The following CHD2 variants were observed in gnomAD, a reference collection of about 807,000 sequenced individuals.
CHD2 encodes ATP-dependent chromatin remodeler CHD2.
In CHD2, 28 loss-of-function variants were observed where a neutral mutation model predicts 243.9. The ratio of observed to expected loss-of-function variants is 0.11; its 90% CI spans 0.09 to 0.16. The LOEUF (loss-of-function observed/expected upper bound fraction) is 0.16, where lower values mean the gene tolerates loss of function less well. CHD2 is among the 10% of genes least tolerant of loss of function. CHD2 has a pLI of 1.00. For missense variants in CHD2, 1,386 were observed against 2,209.8 expected (o/e 0.63, Z 7.47); for synonymous variants, 775 against 779.0 (o/e 0.99, Z 0.09).
chr15:92,979,383 T>TA (rs1164042164), intron 22 of CHD2, 100 bp downstream of exon 22: 1 of 1,387,624 alleles, frequency 7.2e-7, no homozygotes, highest in East Asian at 2.3e-5. Context: ...GTCTGTTCAT[T>TA]ACCTGGAAGA....
chr15:92,953,596 G>C, intron 14 of CHD2, 23 bp downstream of exon 14: 1 of 1,596,592 alleles, frequency 6.3e-7, no homozygotes, highest in Middle Eastern at 1.7e-4. Flanking sequence ...AAAGAGCTGG[G>C]TTAGAATCTG....
At chr15:92,901,451 C>CT (rs1317743025) in intron 2 of CHD2, 152 bp downstream of exon 2, 4 of 625,156 alleles carry the variant, frequency 6.4e-6, no homozygotes, top group African/African-American at 3.7e-5. Flanking sequence ...CTTGAGATTG[C>CT]TAATATGCCA....
intron 2 of CHD2, among the ~76,000 whole-genome samples, chr15:92,920,746 A>G (rs973357803): frequency 1.3e-5 from 2 of 152,252 alleles, no homozygotes; most frequent in African/African-American, 4.8e-5. Context: ...GTCTGGAGTT[A>G]AACATTATAG....
At chr15:92,987,420 C>T (rs927889488) in intron 26 of CHD2, among the ~76,000 whole-genome samples, 2 of 151,784 alleles carry the variant, frequency 1.3e-5, no homozygotes, top group African/African-American at 2.4e-5. Flanking sequence ...CTCAACATGG[C>T]GAAACCCTCT....
chr15:92,951,465 C>T (rs949455245), intron 13 of CHD2, among the ~76,000 whole-genome samples: 1 of 152,124 alleles, frequency 6.6e-6, no homozygotes, highest in Non-Finnish European at 1.5e-5. Flanking sequence ...GCCACCGTGC[C>T]TGGCCAGCAT....
Position 92,993,354 on chromosome 15 carries a change from A to T in CHD2, c.3595+356A>T, listed in dbSNP as rs146758750. On this transcript the variant is annotated intron_variant, in intron 28 of 38. Coordinates refer to ENST00000394196, the MANE Select transcript of CHD2 (RefSeq NM_001271.4). ...GGTGTTATAGATCACAAGCATTGTTAATTATCTTGGATATATATTGTGCGT... is the reference window on the plus strand; with the variant it reads ...GGTGTTATAGATCACAAGCATTGTTTATTATCTTGGATATATATTGTGCGT... The T allele has an allele frequency of 1.5e-3, 295 of 196,586 alleles. 3 individuals carry two copies. Among genetic ancestry groups the T allele is most frequent in the African/African-American group, 6.6e-3 (286 of 43,228 alleles). The allele number at this position is 196,586 out of a possible 1,614,324, so 12.2% of individuals were successfully genotyped here.
rs560372747 is a variant in CHD2 at position 93,012,642 on chromosome 15, GTTTACCCTGTGT to G, written c.4692+202_4692+213del. Among the ~76,000 whole-genome samples, 47 of 152,326 alleles carry G rather than the reference GTTTACCCTGTGT, an allele frequency of 3.1e-4. No individual in the cohort carries two copies. In the East Asian group the frequency reaches 6.7e-3, roughly 22 times the overall value. On this transcript the variant is annotated intron_variant, in intron 36 of 38. Transcript: ENST00000394196. ...CATGGTTGAAATTCTGACAAAGAGT[GTTTACCCTGTGT>G]TTTTAGGTCCTAAAATCATTTGTTC... is the stretch of plus-strand genomic sequence containing the variant.
At chr15:92,973,702 A>T (rs1241204755) in intron 19 of CHD2, among the ~76,000 whole-genome samples, 1 of 152,200 alleles carries the variant, frequency 6.6e-6, no homozygotes, top group Non-Finnish European at 1.5e-5. Flanking sequence ...TCGAATCCCT[A>T]TGAGCTTTCA....
intron 13 of CHD2, 54 bp downstream of exon 13, chr15:92,949,130 G>T: frequency 6.3e-7 from 1 of 1,580,158 alleles, no homozygotes; most frequent in Non-Finnish European, 8.5e-7. Flanking sequence ...CTTCTTTATT[G>T]TTAGATGTCA....
intron 38 of CHD2, 101 bp downstream of exon 38, chr15:93,020,359 T>A (rs1490002561): frequency 7.0e-7 from 1 of 1,428,734 alleles, no homozygotes; most frequent in Admixed American, 1.8e-5. Context: ...ATCAAATTAC[T>A]GAAGATCTCA....
At chr15:92,973,150 G>T (rs2053864552) in intron 19 of CHD2, among the ~76,000 whole-genome samples, 1 of 152,166 alleles carries the variant, frequency 6.6e-6, no homozygotes, top group Non-Finnish European at 1.5e-5. Flanking sequence ...GTGAGGCTGG[G>T]AACATAGCAG....
intron 5 of CHD2, among the ~76,000 whole-genome samples, chr15:92,935,809 A>T (rs915464216): frequency 6.6e-6 from 1 of 152,180 alleles, no homozygotes; most frequent in Non-Finnish European, 1.5e-5. Flanking sequence ...TCCAGAGTGT[A>T]TATACGAAGG....
At chr15:92,978,679 G>A (rs2053939123) in intron 21 of CHD2, among the ~76,000 whole-genome samples, 1 of 152,144 alleles carries the variant, frequency 6.6e-6, no homozygotes, top group Non-Finnish European at 1.5e-5. Flanking sequence ...CTCTATTTTA[G>A]TATGGAAAAG....
intron 26 of CHD2, among the ~76,000 whole-genome samples, chr15:92,989,872 G>A (rs529131987): frequency 6.6e-6 from 1 of 152,340 alleles, no homozygotes; most frequent in South Asian, 2.1e-4. Flanking sequence ...TGTCCCAGGA[G>A]CGTGCGGAAG....
At chr15:92,935,184 C>T (rs2053243795) in intron 5 of CHD2, among the ~76,000 whole-genome samples, 1 of 152,078 alleles carries the variant, frequency 6.6e-6, no homozygotes, top group South Asian at 2.1e-4. Context: ...TACGGGCGCC[C>T]GCCACCACGC....
At chr15:93,019,413 G>C (rs1229441711) in intron 37 of CHD2, among the ~76,000 whole-genome samples, 1 of 152,166 alleles carries the variant, frequency 6.6e-6, no homozygotes, top group Non-Finnish European at 1.5e-5. Context: ...GATTTCAGAA[G>C]GAGAGGAGTA....
chr15:92,983,117 C>T (rs1272379141), intron 24 of CHD2, among the ~76,000 whole-genome samples: 36 of 152,142 alleles, frequency 2.4e-4, no homozygotes, highest in Admixed American at 2.4e-3. Flanking sequence ...TATGAGGGCT[C>T]TACCCTCATG....
chr15:92,978,595 TACA>T (rs1221371627), intron 21 of CHD2, among the ~76,000 whole-genome samples: 1 of 152,226 alleles, frequency 6.6e-6, no homozygotes, highest in Admixed American at 6.5e-5. Flanking sequence ...GTTTGAAAAG[TACA>T]ACATCAGCGA....
chr15:93,020,326 C>CGT (rs2054518217), intron 38 of CHD2, 68 bp downstream of exon 38: 2 of 1,576,708 alleles, frequency 1.3e-6, no homozygotes, highest in Non-Finnish European at 1.7e-6. Context: ...GAGAAAGTGA[C>CGT]GTATACATGA....
Sources: gnomAD v4.1 joint callset for allele counts (sites outside exome capture counted in the v4.1 genomes callset) on GRCh38, gnomAD v4.1.1 for gene constraint, MANE v1.5 for transcripts, NCBI Gene and HGNC (gene_info 2026-07-23, HGNC 2026-07-21) for gene names.